The following CABCOCO1 variants were observed in gnomAD, a reference collection of about 807,000 sequenced individuals.
The protein encoded by CABCOCO1 is ciliary associated calcium binding coiled-coil 1, also known as ciliary-associated calcium-binding coiled-coil protein 1.
In CABCOCO1, 28 loss-of-function variants were observed where a neutral mutation model predicts 35.7. The observed-to-expected ratio is 0.78, with a 90% CI of 0.58 to 1.07. CABCOCO1 has a LOEUF of 1.07. Among genes scored for constraint, CABCOCO1 ranks in the 50% least tolerant of loss-of-function variants. The pLI, the probability that CABCOCO1 is intolerant of heterozygous loss-of-function variation, is 0.00. For synonymous variants in CABCOCO1, 95 were observed against 100.1 expected (o/e 0.95, Z 0.30); for missense variants, 326 against 309.2 (o/e 1.05, Z -0.41).
chr10:61,708,982 T>G (rs190954918), intron 5 of CABCOCO1, among the ~76,000 whole-genome samples: 2 of 152,126 alleles, frequency 1.3e-5, no homozygotes, highest in East Asian at 1.9e-4. Flanking sequence ...TTCATTTCTT[T>G]AAAAAACCTC....
In CABCOCO1 at chr10:61,690,436, T is replaced by C. The variant is rs1212919237; in HGVS notation, c.480-113T>C. 9 of 628,114 alleles carry C rather than the reference T, an allele frequency of 1.4e-5. No homozygotes were observed. In the South Asian group the frequency reaches 1.7e-4, roughly 12 times the overall value. The allele number at this position is 628,114 out of a possible 1,614,324, so 38.9% of individuals were successfully genotyped here. On this transcript the variant is annotated intron_variant, in intron 4 of 7. Coordinates refer to ENST00000648843, the MANE Select transcript of CABCOCO1 (RefSeq NM_001366906.2). ...GGAGGATGCTAAGTCTGTTTTAGTGTCTGATAGCATTAGTTTGGTCAATAT... is the reference window on the plus strand; with the variant it reads ...GGAGGATGCTAAGTCTGTTTTAGTGCCTGATAGCATTAGTTTGGTCAATAT...
rs752291499 is a variant in CABCOCO1, at chr10:61,730,205, TG to T, written c.553-29853del. Among the ~76,000 whole-genome samples, 13 of 150,270 alleles carry T rather than the reference TG, an allele frequency of 8.7e-5. 1 individual carries two copies. In the East Asian group the frequency reaches 1.9e-3, roughly 22 times the overall value. On this transcript the variant is annotated intron_variant, in intron 5 of 7. Transcript: ENST00000648843. Reference sequence around the variant, plus strand: ...AAACTAGAGCTTCTTAAGAAATGCCTGACTTTGGGTTTGGGAAAGGAAAAAA... The same window carrying T: ...AAACTAGAGCTTCTTAAGAAATGCCTACTTTGGGTTTGGGAAAGGAAAAAA...
At chr10:61,724,236 T>A (rs1349264433) in intron 5 of CABCOCO1, among the ~76,000 whole-genome samples, 2 of 152,218 alleles carry the variant, frequency 1.3e-5, no homozygotes, top group Non-Finnish European at 2.9e-5. Context: ...CCTTTCTTAA[T>A]GTTTAAATCC....
rs116872562 is a variant in CABCOCO1, at chr10:61,680,227, G to A, written c.165-916G>A. Among the ~76,000 whole-genome samples the A allele has an allele frequency of 1.0e-2, 1,493 of 149,932 alleles. 33 individuals are homozygous for A. Among genetic ancestry groups the A allele is most frequent in the East Asian group, 0.092 (469 of 5,114 alleles). On this transcript the variant is annotated intron_variant, in intron 2 of 7. Coordinates refer to ENST00000648843, the MANE Select transcript of CABCOCO1 (RefSeq NM_001366906.2). ...CTCTGGAGGCTGAGGAAGAAGAATC[G>A]CTTGAACTGGAGAGGCAGCGGTTGC... is the stretch of plus-strand genomic sequence containing the variant.
chr10:61,714,817 C>T (rs1840819991), intron 5 of CABCOCO1, among the ~76,000 whole-genome samples: 1 of 152,120 alleles, frequency 6.6e-6, no homozygotes, highest in Non-Finnish European at 1.5e-5. Context: ...TGTAGTTGTG[C>T]ACTTTTGAGT....
intron 5 of CABCOCO1, among the ~76,000 whole-genome samples, chr10:61,709,196 C>G (rs1049633934): frequency 2.0e-5 from 3 of 152,080 alleles, no homozygotes; most frequent in Non-Finnish European, 2.9e-5. Flanking sequence ...TTTATTTCTA[C>G]AAACCATAAG....
intron 5 of CABCOCO1, among the ~76,000 whole-genome samples, chr10:61,700,133 G>A (rs1305591242): frequency 6.6e-6 from 1 of 151,976 alleles, no homozygotes; most frequent in Non-Finnish European, 1.5e-5. Flanking sequence ...TAGAGAAACT[G>A]CCTTATATGG....
At chr10:61,694,564 A>C (rs1293304610) in intron 5 of CABCOCO1, among the ~76,000 whole-genome samples, 1 of 152,012 alleles carries the variant, frequency 6.6e-6, no homozygotes, top group Admixed American at 6.6e-5. Context: ...GACATATTCC[A>C]TAATGGCAAA....
chr10:61,702,548 T>G (rs1320830881), intron 5 of CABCOCO1, among the ~76,000 whole-genome samples: 2 of 152,182 alleles, frequency 1.3e-5, no homozygotes, highest in African/African-American at 4.8e-5. Flanking sequence ...ACTTACATGT[T>G]AATAAATATA....
At position 61,713,844 on chromosome 10, in the gene CABCOCO1, A is replaced by G. The variant is rs537778846; in HGVS notation, c.552+23223A>G. 4.6e-5 allele frequency among the ~76,000 whole-genome samples: 7 copies of G among 152,320 alleles called. No homozygotes were observed. In the East Asian group the frequency reaches 1.2e-3, roughly 25 times the overall value. ...TTTGCATATGTGGAACCAGCCTTGCATCCCAGGGATGAAGCCAACCTGATC... is the reference window on the plus strand; with the variant it reads ...TTTGCATATGTGGAACCAGCCTTGCGTCCCAGGGATGAAGCCAACCTGATC... On this transcript the variant is annotated intron_variant, in intron 5 of 7. Transcript: ENST00000648843.
At chr10:61,669,794 C>T (rs1271918293) in intron 1 of CABCOCO1, among the ~76,000 whole-genome samples, 1 of 152,048 alleles carries the variant, frequency 6.6e-6, no homozygotes, top group Non-Finnish European at 1.5e-5. Context: ...CTACTTTTCT[C>T]CTACCCAGAG....
intron 2 of CABCOCO1, among the ~76,000 whole-genome samples, chr10:61,674,034 A>G (rs1439597589): frequency 6.6e-6 from 1 of 152,202 alleles, no homozygotes; most frequent in East Asian, 1.9e-4. Context: ...CGAATAGCAG[A>G]CATTTTATAC....
intron 5 of CABCOCO1, among the ~76,000 whole-genome samples, chr10:61,739,193 A>G (rs7897246): frequency 0.22 from 33,124 of 152,200 alleles, 4,263 homozygotes; most frequent in East Asian, 0.55. Context: ...AACTCATTAC[A>G]AAAGTGGATG....
At chr10:61,720,404 A>C (rs953073915) in intron 5 of CABCOCO1, among the ~76,000 whole-genome samples, 48 of 152,222 alleles carry the variant, frequency 3.2e-4, no homozygotes, top group African/African-American at 1.2e-3. Flanking sequence ...ACTCAGTCAA[A>C]CTGGCATTTA....
chr10:61,682,268 C>A (rs374120855), intron 3 of CABCOCO1, among the ~76,000 whole-genome samples: 1 of 152,144 alleles, frequency 6.6e-6, no homozygotes, highest in East Asian at 1.9e-4. Context: ...TCCAACTCCT[C>A]ATAAACTATG....
chr10:61,703,722 C>G (rs1267134286), intron 5 of CABCOCO1, among the ~76,000 whole-genome samples: 2 of 150,490 alleles, frequency 1.3e-5, no homozygotes, highest in African/African-American at 4.8e-5. Flanking sequence ...TTCTCTCTCT[C>G]TCACACACAC....
rs1416969339 is a variant in CABCOCO1 at position 61,681,108 on chromosome 10, T to A, written c.165-35T>A. On this transcript the variant is annotated intron_variant, in intron 2 of 7. Coordinates refer to ENST00000648843, the MANE Select transcript of CABCOCO1 (RefSeq NM_001366906.2). ...GAAAGAAATGGTTCAATATCTAATCTGAATTAATATGTGGATTTTTGTTTT... is the reference window on the plus strand; with the variant it reads ...GAAAGAAATGGTTCAATATCTAATCAGAATTAATATGTGGATTTTTGTTTT... 1.0e-5 allele frequency: 13 copies of A among 1,278,522 alleles called. No individual in the cohort carries two copies. In the South Asian group the frequency reaches 1.3e-4, roughly 13 times the overall value. 79.2% of individuals were successfully genotyped at this position (1,278,522 alleles called of 1,614,324 possible).
intron 1 of CABCOCO1, among the ~76,000 whole-genome samples, chr10:61,668,083 C>A (rs989688184): frequency 2.6e-5 from 4 of 151,638 alleles, no homozygotes; most frequent in African/African-American, 9.7e-5. Flanking sequence ...TAGTAAGTGC[C>A]TGTTTATTAT....
Position 61,760,105 on chromosome 10 carries a change from C to G in CABCOCO1, c.599C>G (p.Pro200Arg), listed in dbSNP as rs1238349450. The change falls in exon 6 of 8, where the codon CCT (proline) becomes CGT (arginine). Residue 200 changes from proline (P) to arginine (R), a missense_variant. Physicochemically the swap from Pro to Arg is moderately radical, Grantham distance 103. Transcript: ENST00000648843. ...VKSACGPFPNPLEEGISFDIY... is the reference protein window; with the variant it reads ...VKSACGPFPNRLEEGISFDIY... ...TCTGCATGTGGCCCTTTCCCAAATC[C>G]TCTGGAAGAAGGAATCTCATTTGAT... 6.2e-7 allele frequency: 1 copy of G among 1,612,744 alleles called. No individual in the cohort carries two copies. Among genetic ancestry groups the G allele is most frequent in the South Asian group, 1.1e-5 (1 of 91,046 alleles).
Sources: gnomAD v4.1 joint callset for allele counts (sites outside exome capture counted in the v4.1 genomes callset) on GRCh38, gnomAD v4.1.1 for gene constraint, MANE v1.5 for transcripts, NCBI Gene and HGNC (gene_info 2026-07-23, HGNC 2026-07-21) for gene names.